ARL13A: variants seen among roughly 807,000 people sequenced by gnomAD.
ARL13A encodes the protein ADP-ribosylation factor-like protein 13A.
ARL13A carries 16 observed loss-of-function variants against 19.1 expected under a neutral mutation model. That is an observed-to-expected ratio of 0.84 (90% CI 0.57 to 1.27). The LOEUF (loss-of-function observed/expected upper bound fraction) is 1.27. Ranked by LOEUF, ARL13A falls within the 50% of genes most tolerant of loss-of-function variation. The probability of loss-of-function intolerance (pLI) is 0.00; values close to 1 mark genes in which losing one functional copy is unlikely to be tolerated. For synonymous variants in ARL13A, 69 were observed against 71.3 expected (o/e 0.97, Z 0.17); for missense variants, 153 against 186.4 (o/e 0.82, Z 1.04).
chrX:100,976,679 C>A (rs2085767708), intron 3 of ARL13A, among the ~76,000 whole-genome samples: 1 of 112,523 alleles, frequency 8.9e-6, no homozygotes, highest in South Asian at 3.7e-4. Context: ...ATGGCACAAT[C>A]TTGGCTCACT....
chrX:100,985,923 T>G lies in ARL13A; in HGVS notation c.380+7T>G. The G allele has an allele frequency of 8.3e-7, 1 of 1,198,707 alleles. No homozygotes were observed. Among genetic ancestry groups the G allele is most frequent in the Non-Finnish European group, 1.1e-6 (1 of 888,748 alleles). On this transcript the variant is annotated splice_region_variant and intron_variant, in intron 4 of 7. Coordinates refer to ENST00000450049, the MANE Select transcript of ARL13A (RefSeq NM_001162491.2). Reference sequence around the variant, plus strand: ...CAGGGAAACCCATCTTAATGTAAGATTCTGCCTTTCTGTCCTATTTCTGCT... The same window carrying G: ...CAGGGAAACCCATCTTAATGTAAGAGTCTGCCTTTCTGTCCTATTTCTGCT...
At chrX:100,988,158 T>C (rs372615532) in intron 6 of ARL13A, 35 bp from the exon 7 acceptor site, 2 of 1,120,794 alleles carry the variant, frequency 1.8e-6, no homozygotes, top group Non-Finnish European at 2.4e-6. Context: ...AGTGTGTCCG[T>C]TTCTACTACT....
In ARL13A at chrX:100,990,676, A is replaced by C. The variant is rs1186881018; in HGVS notation, c.*88A>C. 1.0e-6 allele frequency: 1 copy of C among 959,121 alleles called. No individual in the cohort carries two copies. The highest frequency in any genetic ancestry group is 2.7e-5 in the Admixed American group (1 of 37,066). 79.0% of individuals were successfully genotyped at this position (959,121 alleles called of 1,213,427 possible). On this transcript the variant is annotated 3_prime_UTR_variant, in exon 8 of 8. Transcript: ENST00000450049. ...AGAGACTTTACATCTTTGTACCGAG[A>C]TGCTGCTGACAAAGCTTGTGGACAA...
Position 100,971,204 on chromosome X carries a change from T to A in ARL13A, c.-15+1395T>A, listed in dbSNP as rs2090056530. On this transcript the variant is annotated intron_variant, in intron 1 of 7. Coordinates refer to ENST00000450049, the MANE Select transcript of ARL13A (RefSeq NM_001162491.2). ...TGGCAATCTTTGAGGATGGGATACC[T>A]GGATTAATGTTTGAATCCAGACTAG... is the stretch of plus-strand genomic sequence containing the variant. Among the ~76,000 whole-genome samples the A allele has an allele frequency of 3.0e-5, 3 of 101,388 alleles. No individual in the cohort carries two copies. In the South Asian group the frequency reaches 1.5e-3, roughly 50 times the overall value. The allele number at this position is 101,388 out of a possible 115,157, so 88.0% of individuals were successfully genotyped here.
chrX:100,979,674 AG>A lies in ARL13A; in HGVS notation c.130+5478del, dbSNP rs770520376. Reference sequence around the variant, plus strand: ...GTCTTGATGTTTATTGATGCTCATCAGTGTCTGGGCATTGAAGAGTTAGGTA... The same window carrying A: ...GTCTTGATGTTTATTGATGCTCATCATGTCTGGGCATTGAAGAGTTAGGTA... On this transcript the variant is annotated intron_variant, in intron 3 of 7. Transcript: ENST00000450049. Among the ~76,000 whole-genome samples, 709 of 111,632 alleles carry A rather than the reference AG, an allele frequency of 6.4e-3. 5 individuals are homozygous for A. Among genetic ancestry groups the A allele is most frequent in the African/African-American group, 0.022 (670 of 30,667 alleles).
In ARL13A at chrX:100,973,674, A is replaced by G. The variant is rs748636941; in HGVS notation, c.-14-2A>G. 1.8e-5 allele frequency: 22 copies of G among 1,206,785 alleles called. No individual in the cohort carries two copies. In the East Asian group the frequency reaches 5.3e-4, roughly 29 times the overall value. On this transcript the variant is annotated splice_acceptor_variant, in intron 1 of 7. Transcript: ENST00000450049. LOFTEE classifies it low-confidence loss of function (5UTR_SPLICE). ...ATTTTCTTTCTTCTCTTAATATTTA[A>G]GAACTAAGATGAATCATGTTCCGGC...
rs753796351 is a variant in ARL13A at position 100,979,274 on chromosome X, A to T, written c.130+5077A>T. Among the ~76,000 whole-genome samples the T allele has an allele frequency of 2.4e-3, 270 of 111,901 alleles. 1 individual carries two copies. Among genetic ancestry groups the T allele is most frequent in the African/African-American group, 8.6e-3 (266 of 30,824 alleles). On this transcript the variant is annotated intron_variant, in intron 3 of 7. Transcript: ENST00000450049. The stretch of plus-strand genomic sequence containing the variant: ...GCTCATTAACATCCTTTTCTTTCAG[A>T]TTGAAGTACTCCCTTTGGCATTTCT...
chrX:100,989,487 G>C (rs2085989448), intron 7 of ARL13A, among the ~76,000 whole-genome samples: 1 of 109,504 alleles, frequency 9.1e-6, no homozygotes, highest in Non-Finnish European at 1.9e-5. Flanking sequence ...GCGGACGCCT[G>C]TATTCCCAGC....
chrX:100,985,759 G>C lies in ARL13A; in HGVS notation c.223G>C (p.Asp75His). 8.3e-7 allele frequency: 1 copy of C among 1,211,417 alleles called. No individual in the cohort carries two copies. Among genetic ancestry groups the C allele is most frequent in the South Asian group, 1.8e-5 (1 of 56,953 alleles). The stretch of plus-strand genomic sequence containing the variant: ...ACTTTCCATCTATGACCTGAATGGA[G>C]ACCTGAAGGGCCGGGAAGCATGGCC... ...YELSIYDLNG[D>H]LKGREAWPNY... is the part of the protein sequence containing the mutation. Residue 75 changes from aspartate (D) to histidine (H), a missense_variant, in exon 4 of 8, where the codon GAC becomes CAC. Transcript: ENST00000450049.
At chrX:100,975,204 C>T (rs974551509) in intron 3 of ARL13A, among the ~76,000 whole-genome samples, 1 of 112,105 alleles carries the variant, frequency 8.9e-6, no homozygotes, top group African/African-American at 3.2e-5. Flanking sequence ...ATTTCCCATG[C>T]TCTCTGCACA....
intron 7 of ARL13A, chrX:100,990,352 T>A (rs2086001737): frequency 1.1e-6 from 1 of 931,892 alleles, no homozygotes; most frequent in Non-Finnish European, 1.3e-6. Flanking sequence ...TAAAAGAAAG[T>A]AACAGAGAAA....
chrX:100,980,378 C>T (rs1029419114), intron 3 of ARL13A, among the ~76,000 whole-genome samples: 4 of 109,536 alleles, frequency 3.7e-5, no homozygotes, highest in Non-Finnish European at 7.6e-5. Context: ...CAGCCCCAAG[C>T]CCATAGCGAC....
intron 7 of ARL13A, among the ~76,000 whole-genome samples, chrX:100,988,865 T>TATATGAGATAATATATCTC (rs2085979102): frequency 1.0e-5 from 1 of 99,377 alleles, no homozygotes; most frequent in African/African-American, 3.8e-5. Flanking sequence ...TATATATATA[T>TATATGAGATAATATATCTC]ATATATATAT....
rs766355429 is a variant in ARL13A at position 100,985,819 on chromosome X, G to A, written c.283G>A (p.Val95Ile). 3.3e-6 allele frequency: 4 copies of A among 1,209,665 alleles called. No individual in the cohort carries two copies. The highest frequency in any genetic ancestry group is 1.8e-5 in the South Asian group (1 of 56,748). The part of the protein sequence containing the change: ...YYAQAHGLVF[V>I]LDSSDIRRMQ... The stretch of plus-strand genomic sequence containing the variant: ...TGCACAGGCCCATGGGCTTGTTTTC[G>A]TCCTGGATTCCAGTGACATAAGACG... The change falls in exon 4 of 8, where the codon GTC becomes ATC. Residue 95 changes from valine to isoleucine, a missense_variant. Physicochemically the swap from Val to Ile is conservative, Grantham distance 29. Coordinates refer to ENST00000450049, the MANE Select transcript of ARL13A (RefSeq NM_001162491.2).
chrX:100,984,715 G>C (rs1365157054), intron 3 of ARL13A, among the ~76,000 whole-genome samples: 2 of 111,983 alleles, frequency 1.8e-5, no homozygotes, highest in African/African-American at 6.5e-5. Context: ...CACAAAAAGA[G>C]GTGAAGGACC....
chrX:100,970,887 A>T (rs999818597), intron 1 of ARL13A, among the ~76,000 whole-genome samples: 1 of 112,292 alleles, frequency 8.9e-6, no homozygotes, highest in Non-Finnish European at 1.9e-5. Context: ...AAGATGTTGT[A>T]GCCACTTTGC....
chrX:100,990,519 C>T, intron 7 of ARL13A, 43 bp from the exon 8 acceptor site: 1 of 1,096,949 alleles, frequency 9.1e-7, no homozygotes, highest in Non-Finnish European at 1.2e-6. Context: ...TCTAATATCA[C>T]ATCCCTGAGA....
At chrX:100,975,991 C>T (rs1405486550) in intron 3 of ARL13A, among the ~76,000 whole-genome samples, 1 of 111,640 alleles carries the variant, frequency 9.0e-6, no homozygotes, top group Non-Finnish European at 1.9e-5. Flanking sequence ...CCAAGCCTCA[C>T]ATTTTAGCCA....
intron 3 of ARL13A, among the ~76,000 whole-genome samples, chrX:100,977,267 T>C (rs2085777180): frequency 9.0e-6 from 1 of 110,822 alleles, no homozygotes; most frequent in South Asian, 3.8e-4. Flanking sequence ...TATCGAATAC[T>C]AGATCTTATT....
Sources: gnomAD v4.1 joint callset for allele counts (sites outside exome capture counted in the v4.1 genomes callset) on GRCh38, gnomAD v4.1.1 for gene constraint, MANE v1.5 for transcripts, NCBI Gene and HGNC (gene_info 2026-07-23, HGNC 2026-07-21) for gene names.